Variants in HGD observed in about 807,000 individuals in gnomAD.
HGD encodes the protein homogentisate oxidase.
HGD carries 61 observed loss-of-function variants against 60.8 expected under a neutral mutation model. That is an observed-to-expected ratio of 1.00 (90% confidence interval 0.82 to 1.24). The LOEUF (loss-of-function observed/expected upper bound fraction) is 1.24. HGD is among the 50% of genes most tolerant of loss of function. The pLI is 0.00. For synonymous variants in HGD, 212 were observed against 187.7 expected, an observed-to-expected ratio of 1.13 and a Z score of -1.06; for missense variants, 542 against 547.1, an observed-to-expected ratio of 0.99 and a Z score of 0.09.
intron 4 of HGD, among the ~76,000 whole-genome samples, chr3:120,666,181 G>A (rs192140265): frequency 1.3e-4 from 20 of 152,264 alleles, no homozygotes; most frequent in South Asian, 8.3e-4. Context: ...GGTTGGAGCC[G>A]GTGTTCACAG....
chr3:120,668,288 T>G lies in HGD; in HGVS notation c.282+2139A>C, dbSNP rs150285872. On this transcript the variant is annotated intron_variant, in intron 4 of 13. Transcript: ENST00000283871. The stretch of plus-strand genomic sequence containing the variant: ...AAATGCCTCCCTCCCTTCCTGTCCC[T>G]GGTAGAGAGGGGTGGTAACATTCAA... 9.0e-3 allele frequency among the ~76,000 whole-genome samples: 1,365 copies of G among 152,232 alleles called. 24 individuals are homozygous for G. The highest frequency in any genetic ancestry group is 0.03 in the African/African-American group (1,261 of 41,532).
At chr3:120,674,801 G>A (rs1708090820) in intron 3 of HGD, 100 bp downstream of exon 3, 1 of 793,998 alleles carries the variant, frequency 1.3e-6, no homozygotes, top group Admixed American at 1.7e-5. Context: ...GCAGGATCTT[G>A]GGCAGCTCTG....
At chr3:120,644,246 A>G in intron 10 of HGD, 73 bp downstream of exon 10, 1 of 1,578,486 alleles carries the variant, frequency 6.3e-7, no homozygotes, top group South Asian at 1.1e-5. Flanking sequence ...AGTTTGTAAC[A>G]CTCGCCTTGG....
rs1940654764 is a variant in HGD at position 120,633,430 on chromosome 3, G to A, written c.1007-102C>T. 1.9e-6 allele frequency: 3 copies of A among 1,603,198 alleles called. No homozygotes were observed. In the South Asian group the frequency reaches 3.3e-5, roughly 18 times the overall value. On this transcript the variant is annotated intron_variant, in intron 12 of 13. Transcript: ENST00000283871. ...TCTGCAGAATTCCAAGAACACAGGA[G>A]AAACTAGTAAATTGTATAGGATTAA...
At chr3:120,668,984 G>A (rs1447181597) in intron 4 of HGD, among the ~76,000 whole-genome samples, 1 of 152,138 alleles carries the variant, frequency 6.6e-6, no homozygotes. Context: ...TACTGGTTCT[G>A]TCTCATTTTA....
chr3:120,646,874 T>C (rs1248022453), intron 8 of HGD, 99 bp downstream of exon 8: 3 of 998,466 alleles, frequency 3.0e-6, no homozygotes, highest in Admixed American at 1.7e-5. Context: ...TGCCCAGACA[T>C]GACAGAGAAA....
At chr3:120,645,316 C>T (rs1205497171) in intron 9 of HGD, among the ~76,000 whole-genome samples, 4 of 152,192 alleles carry the variant, frequency 2.6e-5, no homozygotes, top group African/African-American at 7.2e-5. Context: ...CTCCCACCTT[C>T]CTCTGCATAT....
chr3:120,639,808 C>A (rs1261114730), intron 11 of HGD, among the ~76,000 whole-genome samples: 2 of 152,100 alleles, frequency 1.3e-5, no homozygotes, highest in Non-Finnish European at 2.9e-5. Flanking sequence ...GCATTTACAT[C>A]CGTAGTCTTC....
intron 13 of HGD, 57 bp downstream of exon 13, chr3:120,633,089 CT>C (rs1282875700): frequency 6.6e-7 from 1 of 1,519,464 alleles, no homozygotes; most frequent in Non-Finnish European, 9.1e-7. Context: ...ACGGCCACCC[CT>C]CTCAGTAAGG....
chr3:120,659,150 G>A (rs1941585479), intron 4 of HGD, among the ~76,000 whole-genome samples: 1 of 152,098 alleles, frequency 6.6e-6, no homozygotes, highest in South Asian at 2.1e-4. Context: ...CCTGAAAATG[G>A]GCTTTTCTTT....
chr3:120,630,375 T>A (rs1325701249), intron 13 of HGD, among the ~76,000 whole-genome samples: 1 of 152,050 alleles, frequency 6.6e-6, no homozygotes, highest in East Asian at 1.9e-4. Context: ...CTTCAAAGTA[T>A]ACTACAAGGC....
intron 3 of HGD, 166 bp downstream of exon 3, chr3:120,674,735 A>G: frequency 3.2e-6 from 2 of 628,668 alleles, no homozygotes; most frequent in Non-Finnish European, 6.0e-6. Flanking sequence ...ACTTGGTGCT[A>G]GCTGGCAGGA....
intron 1 of HGD, 110 bp from the exon 2 acceptor site, chr3:120,675,973 T>C (rs1357482052): frequency 1.3e-6 from 1 of 795,844 alleles, no homozygotes; most frequent in African/African-American, 1.7e-5. Context: ...TGTTTGTGTA[T>C]GATGTTCCAC....
intron 3 of HGD, among the ~76,000 whole-genome samples, chr3:120,671,723 A>T (rs1246775305): frequency 6.6e-6 from 1 of 152,230 alleles, no homozygotes; most frequent in East Asian, 1.9e-4. Flanking sequence ...CAATGCAAAG[A>T]CATAGAATCA....
At chr3:120,633,093 C>G (rs1244538205) in intron 13 of HGD, 54 bp downstream of exon 13, 1 of 1,535,528 alleles carries the variant, frequency 6.5e-7, no homozygotes, top group Non-Finnish European at 9.0e-7. Flanking sequence ...CCACCCCTCT[C>G]AGTAAGGGTG....
chr3:120,674,935 C>A lies in HGD; in HGVS notation c.142G>T (p.Ala48Ser), dbSNP rs138846036. Reference protein sequence around the residue: ...NLYAEQLSGSAFTCPRSTNKR... With the variant: ...NLYAEQLSGSSFTCPRSTNKR... ...TTGGTGCTCCGTGGACAAGTGAAAG[C>A]CGATCCTGAGAGCTGCTCAGCATAG... Residue 48 changes from alanine to serine, a missense_variant, in exon 3 of 14, where the codon GCT becomes TCT. By Grantham distance (99) the Ala-to-Ser change is moderately conservative. This residue lies in a region of HGD where 537 missense variants were observed against 529.1 expected (regional missense o/e 1.01). Transcript: ENST00000283871. The A allele has an allele frequency of 1.8e-3, 2,896 of 1,611,652 alleles. 46 individuals are homozygous for A. The African/African-American group carries it at 0.032, about 18-fold the overall frequency.
chr3:120,649,378 C>T (rs561996155), intron 6 of HGD, among the ~76,000 whole-genome samples: 110 of 151,978 alleles, frequency 7.2e-4, no homozygotes, highest in South Asian at 1.3e-3. Context: ...CTCCTGACCT[C>T]GTGATCCGCC....
chr3:120,675,895 T>C, intron 1 of HGD, 32 bp from the exon 2 acceptor site: 1 of 1,542,994 alleles, frequency 6.5e-7, no homozygotes, highest in Non-Finnish European at 9.0e-7. Flanking sequence ...ATGCCACCAT[T>C]AGCAGGATTT....
rs1006608880 is a variant in HGD at position 120,644,181 on chromosome 3, T to C, written c.774+138A>G. ...AAAGTATAATTGACTACTAGAACTA[T>C]TTGCTTTATTTGTAGTGCCGTAGTG... is the stretch of plus-strand genomic sequence containing the variant. On this transcript the variant is annotated intron_variant, in intron 10 of 13. Transcript: ENST00000283871. 5 of 985,092 alleles carry C rather than the reference T, an allele frequency of 5.1e-6. No individual in the cohort carries two copies. The African/African-American group carries it at 7.9e-5, about 16-fold the overall frequency. The allele number at this position is 985,092 out of a possible 1,614,324, so 61.0% of individuals were successfully genotyped here. A position where few individuals can be genotyped will look rare whatever the true frequency, so the allele number is the denominator to read the frequency against.
Sources: allele counts gnomAD v4.1 joint callset (sites outside exome capture counted in the v4.1 genomes callset), GRCh38; gene constraint gnomAD v4.1.1; regional missense constraint gnomAD v4.1.1; transcripts MANE v1.5; gene names NCBI Gene and HGNC (gene_info 2026-07-23, HGNC 2026-07-21).